GRIK1: variants seen among roughly 807,000 people sequenced by gnomAD.
The protein encoded by GRIK1 is glutamate ionotropic receptor kainate type subunit 1.
A neutral mutation model predicts 105.7 loss-of-function variants in GRIK1; 69 were observed. The observed-to-expected ratio is 0.65, with a 90% CI of 0.54 to 0.80. GRIK1 has a LOEUF of 0.80. Ranked by LOEUF, GRIK1 falls within the 30% of genes least tolerant of loss-of-function variation. The pLI is 0.00. For synonymous variants in GRIK1, 438 were observed against 431.3 expected (o/e 1.02, Z -0.19); for missense variants, 1,109 against 1,167.3 (o/e 0.95, Z 0.73).
At position 29,651,042 on chromosome 21, in the gene GRIK1, T is replaced by G. The variant is rs1297034344; in HGVS notation, c.954+76A>C. On this transcript the variant is annotated intron_variant, in intron 6 of 17. Transcript: ENST00000327783. ...CCACTGTAACACTTTTCTCTAATATTTTAAAGATACGTGAGATCTTAACCC... is the reference window on the plus strand; with the variant it reads ...CCACTGTAACACTTTTCTCTAATATGTTAAAGATACGTGAGATCTTAACCC... 7 of 1,093,606 alleles carry G rather than the reference T, an allele frequency of 6.4e-6. No individual in the cohort carries two copies. In the Admixed American group the frequency reaches 1.5e-4, roughly 23 times the overall value. The allele number at this position is 1,093,606 out of a possible 1,614,324, so 67.7% of individuals were successfully genotyped here.
chr21:29,543,068 TAAAG>T (rs1204798275), intron 16 of GRIK1, among the ~76,000 whole-genome samples: 1 of 152,208 alleles, frequency 6.6e-6, no homozygotes, highest in Admixed American at 6.5e-5. Context: ...TGTAGACTAT[TAAAG>T]AAATAGTTTC....
At chr21:29,626,559 A>G (rs140527331) in intron 7 of GRIK1, among the ~76,000 whole-genome samples, 1 of 152,268 alleles carries the variant, frequency 6.6e-6, no homozygotes, top group East Asian at 1.9e-4. Context: ...ACTTGGTGAC[A>G]CCTTGATGCT....
At chr21:29,559,452 A>G (rs1251637156) in intron 15 of GRIK1, among the ~76,000 whole-genome samples, 2 of 152,216 alleles carry the variant, frequency 1.3e-5, no homozygotes, top group African/African-American at 4.8e-5. Flanking sequence ...TTGGGGCAAA[A>G]TATACACTTC....
rs149084926 is a variant in GRIK1, at chr21:29,885,130, A to G, written c.118+54253T>C. ...TATTGAGCAAAAATGTGATAATGTG[A>G]TGTTTCAATACATACATATATTGTA... On this transcript the variant is annotated intron_variant, in intron 1 of 17. Coordinates refer to ENST00000327783, the MANE Select transcript of GRIK1 (RefSeq NM_001330994.2). Among the ~76,000 whole-genome samples, 704 of 152,186 alleles carry G rather than the reference A, an allele frequency of 4.6e-3. 7 individuals are homozygous for G. The highest frequency in any genetic ancestry group is 0.016 in the African/African-American group (675 of 41,554).
intron 1 of GRIK1, among the ~76,000 whole-genome samples, chr21:29,785,285 T>C (rs2066227826): frequency 6.6e-6 from 1 of 152,234 alleles, no homozygotes; most frequent in Non-Finnish European, 1.5e-5. Flanking sequence ...TACTTCAGGC[T>C]GAGTGTGGTG....
intron 7 of GRIK1, among the ~76,000 whole-genome samples, chr21:29,617,685 A>G (rs1404274016): frequency 6.6e-6 from 1 of 152,218 alleles, no homozygotes; most frequent in Non-Finnish European, 1.5e-5. Context: ...ACCATTTTAT[A>G]TCTGCCATCA....
intron 1 of GRIK1, among the ~76,000 whole-genome samples, chr21:29,787,087 A>G (rs1419350682): frequency 6.6e-6 from 1 of 152,150 alleles, no homozygotes; most frequent in African/African-American, 2.4e-5. Context: ...TTACGATGTC[A>G]TTGTCTGTGC....
Position 29,774,068 on chromosome 21 carries a change from T to C in GRIK1, c.119-80005A>G, listed in dbSNP as rs567561587. On this transcript the variant is annotated intron_variant, in intron 1 of 17. Coordinates refer to ENST00000327783, the MANE Select transcript of GRIK1 (RefSeq NM_001330994.2). ...CTACTCGGTGGATTTATATCCTGAA[T>C]ATAAGCTCTACTGGCAAGGCATTCA... Among the ~76,000 whole-genome samples, 5 of 152,346 alleles carry C rather than the reference T, an allele frequency of 3.3e-5. No individual in the cohort carries two copies. In the East Asian group the frequency reaches 9.6e-4, roughly 29 times the overall value.
intron 14 of GRIK1, among the ~76,000 whole-genome samples, chr21:29,562,972 T>C (rs2090519322): frequency 6.6e-6 from 1 of 152,158 alleles, no homozygotes; most frequent in African/African-American, 2.4e-5. Context: ...TGATTAGACA[T>C]TTTGCATTTT....
At position 29,589,001 on chromosome 21, in the gene GRIK1, T is replaced by G. The variant is rs777331187; in HGVS notation, c.1407A>C (p.Leu469=). ...YVMYRKSDKP[L]YGNDRFEGYC... ...ATCCTTCAAATCTGTCATTTCCATA[T>G]AGAGGCTTATCAGATTTCCTGTACA... The change falls in exon 11 of 18, where the codon CTA becomes CTC. Residue 469 remains leucine (L), a synonymous_variant. Coordinates refer to ENST00000327783, the MANE Select transcript of GRIK1 (RefSeq NM_001330994.2). 1 of 1,603,820 alleles carries G rather than the reference T, an allele frequency of 6.2e-7. No homozygotes were observed. The highest frequency in any genetic ancestry group is 1.1e-5 in the South Asian group (1 of 90,850).
At chr21:29,718,356 A>G (rs961126420) in intron 1 of GRIK1, among the ~76,000 whole-genome samples, 3 of 152,162 alleles carry the variant, frequency 2.0e-5, no homozygotes, top group Non-Finnish European at 4.4e-5. Context: ...GTTTTCATTT[A>G]TTATTTATCC....
intron 1 of GRIK1, among the ~76,000 whole-genome samples, chr21:29,823,571 A>AT (rs1411856725): frequency 6.6e-6 from 1 of 151,904 alleles, no homozygotes; most frequent in Non-Finnish European, 1.5e-5. Flanking sequence ...GGAAATAATT[A>AT]TTTTTTTGAT....
At chr21:29,657,930 G>C (rs1271163970) in intron 4 of GRIK1, 1 of 152,204 alleles carries the variant, frequency 6.6e-6, no homozygotes, top group East Asian at 1.9e-4. Flanking sequence ...AAAATAAAAA[G>C]TGTAATCACG....
chr21:29,844,257 T>C (rs1439569911), intron 1 of GRIK1, among the ~76,000 whole-genome samples: 1 of 152,126 alleles, frequency 6.6e-6, no homozygotes, highest in Non-Finnish European at 1.5e-5. Flanking sequence ...GAATGCAACA[T>C]GTATATTCCT....
chr21:29,727,283 A>G (rs1049732132), intron 1 of GRIK1, among the ~76,000 whole-genome samples: 1 of 152,216 alleles, frequency 6.6e-6, no homozygotes, highest in African/African-American at 2.4e-5. Context: ...AGGGATTTAT[A>G]TAAACTATTC....
chr21:29,645,953 G>T (rs1466611178), intron 6 of GRIK1, among the ~76,000 whole-genome samples: 1 of 152,176 alleles, frequency 6.6e-6, no homozygotes, highest in African/African-American at 2.4e-5. Flanking sequence ...TTGCAGTAAA[G>T]TATTAACTCA....
At chr21:29,664,790 C>G (rs1250028788) in intron 4 of GRIK1, among the ~76,000 whole-genome samples, 5 of 152,052 alleles carry the variant, frequency 3.3e-5, no homozygotes, top group African/African-American at 1.2e-4. Context: ...TAAGGTTAAC[C>G]TAGCAAAGTA....
intron 1 of GRIK1, among the ~76,000 whole-genome samples, chr21:29,762,571 CA>C (rs1272232497): frequency 6.6e-6 from 1 of 152,184 alleles, no homozygotes; most frequent in Non-Finnish European, 1.5e-5. Context: ...AATAACTTTT[CA>C]GGGGCTCATG....
chr21:29,769,261 C>G (rs1481803085), intron 1 of GRIK1, among the ~76,000 whole-genome samples: 1 of 152,088 alleles, frequency 6.6e-6, no homozygotes, highest in Non-Finnish European at 1.5e-5. Flanking sequence ...CTAGGATGGG[C>G]CCTAATGCCA....
Sources: allele counts gnomAD v4.1 joint callset (sites outside exome capture counted in the v4.1 genomes callset), GRCh38; gene constraint gnomAD v4.1.1; transcripts MANE v1.5; gene names NCBI Gene and HGNC (gene_info 2026-07-23, HGNC 2026-07-21).